The following CFAP20DC variants were observed in gnomAD, a reference collection of about 807,000 sequenced individuals.
The protein encoded by CFAP20DC is CFAP20 domain containing.
In CFAP20DC, 84 loss-of-function variants were observed where a neutral mutation model predicts 101.7. The observed-to-expected ratio is 0.83, with a 90% confidence interval of 0.69 to 0.99. The LOEUF (loss-of-function observed/expected upper bound fraction) is 0.99. Among genes scored for constraint, CFAP20DC ranks in the 50% least tolerant of loss-of-function variants. The pLI is 0.00. For synonymous variants in CFAP20DC, 359 were observed against 351.2 expected, an observed-to-expected ratio of 1.02 and a Z score of -0.25; for missense variants, 1,007 against 970.3, an observed-to-expected ratio of 1.04 and a Z score of -0.50.
chr3:58,737,113 G>C (rs1180460901), downstream of CFAP20DC: 1 of 445,034 alleles, frequency 2.2e-6, no homozygotes, highest in Non-Finnish European at 4.5e-6. This position sits in a 1 kb window ranked among gnomAD's most constrained non-coding sequence, Gnocchi z 4.1. Flanking sequence ...ATCTGCAAGA[G>C]ACCAAAGCCT....
At chr3:58,812,058 G>C (rs1465024685) in intron 14 of CFAP20DC, among the ~76,000 whole-genome samples, 1 of 152,108 alleles carries the variant, frequency 6.6e-6, no homozygotes, top group African/African-American at 2.4e-5. Context: ...GGAAACAACA[G>C]GTGCTGGAGA....
intron 15 of CFAP20DC, among the ~76,000 whole-genome samples, chr3:58,759,624 G>A (rs77357813): frequency 0.65 from 98,190 of 151,932 alleles, 33,784 homozygotes; most frequent in African/African-American, 0.9. Flanking sequence ...CTATGTCCTG[G>A]ATGGTATTGC....
At chr3:58,846,280 A>C (rs1296935197) in intron 13 of CFAP20DC, among the ~76,000 whole-genome samples, 1 of 151,926 alleles carries the variant, frequency 6.6e-6, no homozygotes, top group Non-Finnish European at 1.5e-5. Context: ...GTCTCAGCCC[A>C]AAATCTCCTT....
chr3:58,980,472 C>A (rs940010664), intron 4 of CFAP20DC, among the ~76,000 whole-genome samples: 5 of 152,106 alleles, frequency 3.3e-5, no homozygotes, highest in African/African-American at 1.2e-4. Context: ...TACTGGCAAA[C>A]CAAATCCAGC....
In CFAP20DC at chr3:58,728,819, T is replaced by C. The variant is rs2067594018; in HGVS notation, c.198-11191A>G. ...TGTTGTAGCCTCTTTCCAAGACATC[T>C]CTCAACAGCCCTAGCCTCCTGAAAT... On this transcript the variant is annotated intron_variant, in intron 3 of 3. Transcript: ENST00000486145. This position sits in a 1 kb window ranked among gnomAD's most constrained non-coding sequence, Gnocchi z 4.7. 1.3e-5 allele frequency among the ~76,000 whole-genome samples: 2 copies of C among 152,172 alleles called. No homozygotes were observed. The highest frequency in any genetic ancestry group is 2.9e-5 in the Non-Finnish European group (2 of 68,034).
At chr3:58,896,456 G>A (rs998086332) in intron 6 of CFAP20DC, among the ~76,000 whole-genome samples, 2 of 151,958 alleles carry the variant, frequency 1.3e-5, no homozygotes, top group African/African-American at 2.4e-5. Context: ...TGTTTCTCTA[G>A]TTTGTTTCAT....
Position 59,039,608 on chromosome 3 carries a change from A to G in CFAP20DC, c.227T>C (p.Leu76Pro), listed in dbSNP as rs2094162323. Residue 76 changes from leucine to proline, a missense_variant, in exon 4 of 17, where the codon CTT (leucine) becomes CCT (proline). By Grantham distance (98) the Leu-to-Pro change is moderately conservative (BLOSUM62 -3). Coordinates refer to ENST00000482387, the MANE Select transcript of CFAP20DC (RefSeq NM_001394063.1). The stretch of plus-strand genomic sequence containing the variant: ...CAGGGGTACGTAAATCTGAAGTACA[A>G]GAAACCTCTGGATCAATCCAACTAG... The part of the protein sequence containing the change: ...KQSLGLIQRF[L>P]VLQIYVPLGQ... 2.0e-6 allele frequency: 3 copies of G among 1,528,656 alleles called. No individual in the cohort carries two copies. Among genetic ancestry groups the G allele is most frequent in the Non-Finnish European group, 2.6e-6 (3 of 1,142,074 alleles). 94.7% of individuals were successfully genotyped at this position (1,528,656 alleles called of 1,614,324 possible). A position where few individuals can be genotyped will look rare whatever the true frequency, so the allele number is the denominator to read the frequency against.
rs796283562 is a variant in CFAP20DC, at chr3:58,732,368, G to A, written c.198-14740C>T. 6.6e-6 allele frequency among the ~76,000 whole-genome samples: 1 copy of A among 152,174 alleles called. No individual in the cohort carries two copies. Among genetic ancestry groups the A allele is most frequent in the Non-Finnish European group, 1.5e-5 (1 of 68,026 alleles). On this transcript the variant is annotated intron_variant, in intron 3 of 3. Transcript: ENST00000486145. The surrounding 1 kb of genome is among the most constrained non-coding windows in gnomAD (Gnocchi z 5.4). ...TTGCATAGAAACCTAAGTAGTACTT[G>A]TTATGATAAAGTTGTAGATATTGTT...
downstream of CFAP20DC, chr3:58,737,093 CAAAG>C: frequency 2.4e-6 from 1 of 418,572 alleles, no homozygotes; most frequent in Non-Finnish European, 4.7e-6. This position sits in a 1 kb window ranked among gnomAD's most constrained non-coding sequence, Gnocchi z 4.1. Flanking sequence ...TAAAATATGA[CAAAG>C]AAAATATCTG....
rs1376065015 is a variant in CFAP20DC, at chr3:58,881,140, G to A, written c.715+3405C>T. On this transcript the variant is annotated intron_variant, in intron 7 of 16. Coordinates refer to ENST00000482387, the MANE Select transcript of CFAP20DC (RefSeq NM_001394063.1). The stretch of plus-strand genomic sequence containing the variant: ...TTAGATGATTATTTCATGTTTTTTT[G>A]CTCGATGCATTAATTTACCCATTTG... Among the ~76,000 whole-genome samples the A allele has an allele frequency of 2.0e-5, 3 of 151,812 alleles. No individual in the cohort carries two copies. The East Asian group carries it at 5.8e-4, about 29-fold the overall frequency.
intron 6 of CFAP20DC, chr3:58,887,295 C>T (rs543553391): frequency 2.6e-5 from 4 of 152,264 alleles, no homozygotes; most frequent in Middle Eastern, 6.8e-3. Flanking sequence ...ATATATTTGA[C>T]ATATACTTCA....
In CFAP20DC at chr3:59,002,048, G is replaced by A. The variant is rs1170589599; in HGVS notation, c.278+37509C>T. ...CGTGTGGTTGGCCACCATCTTAATC[G>A]TTTACCTAGGAGGCAATATCATGAA... On this transcript the variant is annotated intron_variant, in intron 4 of 16. Transcript: ENST00000482387. This position sits in a 1 kb window ranked among gnomAD's most constrained non-coding sequence, Gnocchi z 4.5. 6.6e-6 allele frequency among the ~76,000 whole-genome samples: 1 copy of A among 152,258 alleles called. No homozygotes were observed. Among genetic ancestry groups the A allele is most frequent in the Non-Finnish European group, 1.5e-5 (1 of 68,016 alleles).
chr3:58,820,198 A>C (rs1337797937), intron 14 of CFAP20DC, among the ~76,000 whole-genome samples: 81 of 150,878 alleles, frequency 5.4e-4, no homozygotes, highest in Middle Eastern at 3.4e-3. Context: ...ACTGAATGGG[A>C]AAAAACTGGA....
At chr3:58,880,702 T>C (rs149662341) in intron 7 of CFAP20DC, among the ~76,000 whole-genome samples, 192 of 152,274 alleles carry the variant, frequency 1.3e-3, no homozygotes, top group Non-Finnish European at 1.9e-3. Context: ...TTGTAACAGA[T>C]TCCACAGATA....
intron 13 of CFAP20DC, among the ~76,000 whole-genome samples, chr3:58,843,188 G>T (rs1267464448): frequency 6.6e-6 from 1 of 152,222 alleles, no homozygotes; most frequent in African/African-American, 2.4e-5. Context: ...GCTGAGAGAA[G>T]AAGGCTTCAG....
chr3:59,004,620 C>G (rs9828853), intron 4 of CFAP20DC, among the ~76,000 whole-genome samples: 3 of 151,786 alleles, frequency 2.0e-5, no homozygotes, highest in Admixed American at 1.3e-4. Flanking sequence ...AATTAGAAGT[C>G]GTCATTAAAA....
rs1487412913 is a variant in CFAP20DC at position 58,913,643 on chromosome 3, A to G, written c.550+65T>C. 6.5e-7 allele frequency: 1 copy of G among 1,530,088 alleles called. No individual in the cohort carries two copies. Among genetic ancestry groups the G allele is most frequent in the East Asian group, 2.2e-5 (1 of 44,446 alleles). 94.8% of individuals were successfully genotyped at this position (1,530,088 alleles called of 1,614,324 possible). ...GCTACCACACACTCATACTATCCCA[A>G]AGGTATGGCTAATTTTAAAAATACA... On this transcript the variant is annotated intron_variant, in intron 6 of 16. Coordinates refer to ENST00000482387, the MANE Select transcript of CFAP20DC (RefSeq NM_001394063.1). This position sits in a 1 kb window ranked among gnomAD's most constrained non-coding sequence, Gnocchi z 4.4.
chr3:58,972,784 C>T (rs114331933), intron 4 of CFAP20DC, among the ~76,000 whole-genome samples: 146 of 152,188 alleles, frequency 9.6e-4, no homozygotes, highest in Admixed American at 2.0e-3. Flanking sequence ...AGTGTTTACA[C>T]GAGTTATATT....
At chr3:59,029,835 G>A (rs1245731594) in intron 4 of CFAP20DC, among the ~76,000 whole-genome samples, 1 of 152,148 alleles carries the variant, frequency 6.6e-6, no homozygotes, top group Non-Finnish European at 1.5e-5. Flanking sequence ...GTGGGGAGAA[G>A]TATACAAATT....
Sources: allele counts gnomAD v4.1 joint callset (sites outside exome capture counted in the v4.1 genomes callset), GRCh38; gene constraint gnomAD v4.1.1; non-coding constraint Gnocchi (gnomAD v3.1); transcripts MANE v1.5; gene names NCBI Gene and HGNC (gene_info 2026-07-23, HGNC 2026-07-21).